The following PTK2 variants were observed in gnomAD, a reference collection of about 807,000 sequenced individuals.
The protein encoded by PTK2 is focal adhesion kinase 1.
Under a neutral mutation model 150.1 loss-of-function variants are expected in PTK2, and 45 were observed. That is an observed-to-expected ratio of 0.30 (90% confidence interval 0.24 to 0.38). The LOEUF (loss-of-function observed/expected upper bound fraction) is 0.38, where lower values mean the gene tolerates loss of function less well. Ranked by LOEUF, PTK2 falls within the 10% of genes least tolerant of loss-of-function variation. The pLI, the probability that PTK2 is intolerant of heterozygous loss-of-function variation, is 1.00. For missense variants in PTK2, 919 were observed against 1,307.3 expected (o/e 0.70, Z 4.58); for synonymous variants, 432 against 449.2 (o/e 0.96, Z 0.48).
chr8:140,831,061 G>GA (rs1415031194), intron 7 of PTK2, among the ~76,000 whole-genome samples: 1 of 151,994 alleles, frequency 6.6e-6, no homozygotes, highest in Non-Finnish European at 1.5e-5. Flanking sequence ...TTCACATTAG[G>GA]AAAAAACAAA....
chr8:140,977,724 A>C (rs2100189813), intron 1 of PTK2, among the ~76,000 whole-genome samples: 1 of 152,216 alleles, frequency 6.6e-6, no homozygotes, highest in South Asian at 2.1e-4. Context: ...TGCTTTATGA[A>C]CTAAATAAAA....
At chr8:140,818,540 A>C (rs894670533) in intron 9 of PTK2, among the ~76,000 whole-genome samples, 186 bp from the exon 10 acceptor site, 2 of 152,248 alleles carry the variant, frequency 1.3e-5, no homozygotes, top group Non-Finnish European at 2.9e-5. Context: ...GCCTGCACAA[A>C]GTGCACTGTG....
intron 23 of PTK2, among the ~76,000 whole-genome samples, chr8:140,711,084 T>C (rs1018216327): frequency 3.3e-5 from 5 of 151,520 alleles, no homozygotes; most frequent in African/African-American, 1.2e-4. Flanking sequence ...ATTACAGGCA[T>C]GTGCAATCAC....
intron 4 of PTK2, among the ~76,000 whole-genome samples, chr8:140,874,301 G>A (rs1283169750): frequency 6.6e-6 from 1 of 152,192 alleles, no homozygotes; most frequent in Non-Finnish European, 1.5e-5. Context: ...AGTATGAATA[G>A]ACTCTATAGC....
chr8:140,997,575 G>A (rs1194637283), intron 1 of PTK2, among the ~76,000 whole-genome samples: 4 of 152,212 alleles, frequency 2.6e-5, no homozygotes, highest in African/African-American at 4.8e-5. Context: ...TCACCACTGA[G>A]GGAAGACCAT....
intron 2 of PTK2, among the ~76,000 whole-genome samples, chr8:140,918,605 C>T (rs1485235644): frequency 6.6e-6 from 1 of 152,126 alleles, no homozygotes; most frequent in Non-Finnish European, 1.5e-5. Context: ...AATTCAACCG[C>T]ACAGTGAGCT....
intron 2 of PTK2, among the ~76,000 whole-genome samples, chr8:140,918,781 A>T (rs1297772960): frequency 2.0e-5 from 3 of 152,214 alleles, no homozygotes; most frequent in Non-Finnish European, 2.9e-5. Context: ...ATAAAATCAA[A>T]TGTGTGGTTT....
At chr8:140,941,502 T>G (rs1603436067) in intron 1 of PTK2, among the ~76,000 whole-genome samples, 1 of 152,208 alleles carries the variant, frequency 6.6e-6, no homozygotes, top group Non-Finnish European at 1.5e-5. Context: ...CCACACATTA[T>G]AGTATATCCT....
chr8:140,714,667 G>A (rs2100038615), intron 23 of PTK2, among the ~76,000 whole-genome samples: 1 of 151,440 alleles, frequency 6.6e-6, no homozygotes, highest in African/African-American at 2.4e-5. Context: ...CATGGTGGCA[G>A]GTGCCTGTAA....
At chr8:140,805,234 G>A (rs975370217) in intron 10 of PTK2, among the ~76,000 whole-genome samples, 6 of 152,130 alleles carry the variant, frequency 3.9e-5, no homozygotes, top group Non-Finnish European at 8.8e-5. Flanking sequence ...CTCAAAACAT[G>A]TTCTTCCTCC....
chr8:140,911,046 A>AT (rs10706458), intron 2 of PTK2, among the ~76,000 whole-genome samples: 1,546 of 143,468 alleles, frequency 0.011, 26 homozygotes, highest in African/African-American at 0.034. Flanking sequence ...GCCCAGCTAA[A>AT]TTTTTTTTTT....
chr8:140,868,814 C>T lies in PTK2; in HGVS notation c.363-4415G>A, dbSNP rs555422158. On this transcript the variant is annotated intron_variant, in intron 4 of 31. Transcript: ENST00000522684. Reference sequence around the variant, plus strand: ...AGGAACTGTCTCAGATTAGAGAAGACTTAAGGAGACATGACCGTAATGTGG... The same window carrying T: ...AGGAACTGTCTCAGATTAGAGAAGATTTAAGGAGACATGACCGTAATGTGG... Among the ~76,000 whole-genome samples, 87 of 152,168 alleles carry T rather than the reference C, an allele frequency of 5.7e-4. 1 individual carries two copies. Among genetic ancestry groups the T allele is most frequent in the Admixed American group, 2.2e-3 (34 of 15,290 alleles).
At chr8:140,874,466 T>C (rs747848346) in intron 4 of PTK2, among the ~76,000 whole-genome samples, 1 of 152,214 alleles carries the variant, frequency 6.6e-6, no homozygotes, top group Non-Finnish European at 1.5e-5. Context: ...TACCCACCTA[T>C]GAACTTAGAT....
chr8:140,795,152 C>T (rs1209931275), intron 12 of PTK2, among the ~76,000 whole-genome samples: 2 of 152,174 alleles, frequency 1.3e-5, no homozygotes, highest in Non-Finnish European at 2.9e-5. Context: ...CCTGATTGGT[C>T]CCTCTACTTT....
intron 2 of PTK2, among the ~76,000 whole-genome samples, chr8:140,914,450 CA>C (rs2100164389): frequency 6.6e-6 from 1 of 150,736 alleles, no homozygotes; most frequent in Non-Finnish European, 1.5e-5. Context: ...ATTTTAGGTT[CA>C]GGGGTACACA....
rs547959878 is a variant in PTK2 at position 140,669,301 on chromosome 8, G to GTATGTATA, written c.2710-878_2710-877insTATACATA. ...GTTAGAATTACACCAGCATAAAATG[G>GTATGTATA]TATATATATATATATATATATATAT... On this transcript the variant is annotated intron_variant, in intron 29 of 31. Transcript: ENST00000522684. The GTATGTATA allele has an allele frequency of 2.9e-4, 28 of 97,992 alleles. 1 individual carries two copies. Among genetic ancestry groups the GTATGTATA allele is most frequent in the African/African-American group, 1.3e-3 (28 of 21,500 alleles). 6.1% of individuals were successfully genotyped at this position (97,992 alleles called of 1,614,324 possible).
At chr8:140,986,819 A>T (rs1437104076) in intron 1 of PTK2, among the ~76,000 whole-genome samples, 1 of 152,236 alleles carries the variant, frequency 6.6e-6, no homozygotes, top group Non-Finnish European at 1.5e-5. Context: ...CCCTCATTCC[A>T]GGCCTCAAAA....
At chr8:140,828,880 C>T (rs1247486400) in intron 8 of PTK2, among the ~76,000 whole-genome samples, 2 of 152,300 alleles carry the variant, frequency 1.3e-5, no homozygotes, top group African/African-American at 4.8e-5. Context: ...ACAATTGTGT[C>T]ATTCTCTCTC....
chr8:140,765,772 C>T (rs1006679433), intron 14 of PTK2, among the ~76,000 whole-genome samples: 1 of 152,096 alleles, frequency 6.6e-6, no homozygotes, highest in Non-Finnish European at 1.5e-5. Context: ...TATCAAAACA[C>T]CCTGTGAAAG....
Sources: allele counts gnomAD v4.1 joint callset (sites outside exome capture counted in the v4.1 genomes callset), GRCh38; gene constraint gnomAD v4.1.1; transcripts MANE v1.5; gene names NCBI Gene and HGNC (gene_info 2026-07-23, HGNC 2026-07-21).